The following PCDH7 variants were observed in gnomAD, a reference collection of about 807,000 sequenced individuals.
PCDH7 encodes protocadherin 7, also known as protocadherin-7.
In PCDH7, 17 loss-of-function variants were observed where a neutral mutation model predicts 58.9. That is an observed-to-expected ratio of 0.29 (90% CI 0.20 to 0.43). PCDH7 has a LOEUF of 0.43. PCDH7 is among the 20% of genes least tolerant of loss of function. The probability of loss-of-function intolerance (pLI) is 1.00; values close to 1 mark genes in which losing one functional copy is unlikely to be tolerated. For missense variants in PCDH7, 1,274 were observed against 1,441.0 expected (o/e 0.88, Z 1.88); for synonymous variants, 664 against 616.4 (o/e 1.08, Z -1.14).
chr4:30,727,945 A>G (rs1340141200), intron 1 of PCDH7, among the ~76,000 whole-genome samples: 1 of 151,828 alleles, frequency 6.6e-6, no homozygotes, highest in Non-Finnish European at 1.5e-5. Context: ...TAAAAATTTT[A>G]TTGTATTTAG....
intron 1 of PCDH7, among the ~76,000 whole-genome samples, chr4:30,798,463 T>A (rs1725080892): frequency 6.6e-6 from 1 of 152,188 alleles, no homozygotes; most frequent in South Asian, 2.1e-4. Flanking sequence ...AGCACCAATA[T>A]GATGTTTGGT....
intron 2 of PCDH7, among the ~76,000 whole-genome samples, chr4:30,933,294 G>T (rs1744913183): frequency 6.6e-6 from 1 of 152,074 alleles, no homozygotes; most frequent in Admixed American, 6.6e-5. Context: ...CAAAGTGCTG[G>T]GAGTACAGGT....
intron 3 of PCDH7, among the ~76,000 whole-genome samples, chr4:31,030,969 C>T (rs1394530358): frequency 1.3e-5 from 2 of 152,066 alleles, no homozygotes; most frequent in Non-Finnish European, 2.9e-5. Flanking sequence ...GATACTGAGG[C>T]AGAAAATGCA....
chr4:31,009,253 T>G (rs1345954710), intron 3 of PCDH7, among the ~76,000 whole-genome samples: 1 of 152,078 alleles, frequency 6.6e-6, no homozygotes, highest in African/African-American at 2.4e-5. Context: ...GGACAGTATT[T>G]CTTTTAGGTT....
chr4:30,962,801 A>T (rs868063780), intron 3 of PCDH7, among the ~76,000 whole-genome samples: 2 of 151,402 alleles, frequency 1.3e-5, no homozygotes, highest in African/African-American at 4.8e-5. Context: ...AAAAAAAAAA[A>T]AAAACAGTGG....
chr4:31,037,793 T>TGG (rs1755541445), intron 3 of PCDH7, among the ~76,000 whole-genome samples: 1 of 152,194 alleles, frequency 6.6e-6, no homozygotes, highest in Non-Finnish European at 1.5e-5. Context: ...GGCCAGCATT[T>TGG]GTGGTGTGGA....
intron 1 of PCDH7, among the ~76,000 whole-genome samples, chr4:30,879,941 C>T (rs1002753482): frequency 6.6e-6 from 1 of 152,022 alleles, no homozygotes; most frequent in African/African-American, 2.4e-5. Context: ...TACCCTGATA[C>T]ATGTTTCTAA....
At chr4:31,034,094 AAAACAAAC>A (rs10660538) in intron 3 of PCDH7, among the ~76,000 whole-genome samples, 1 of 151,358 alleles carries the variant, frequency 6.6e-6, no homozygotes, top group Non-Finnish European at 1.5e-5. Flanking sequence ...ACTCTGTCTC[AAAACAAAC>A]AAACAAACAA....
intron 1 of PCDH7, among the ~76,000 whole-genome samples, chr4:30,909,043 CATA>C (rs1210033723): frequency 6.6e-6 from 1 of 152,074 alleles, no homozygotes; most frequent in Non-Finnish European, 1.5e-5. Context: ...AATCAATAAA[CATA>C]GTCCATCAGA....
At chr4:30,730,833 A>G in exon 2 of PCDH7, 1 of 1,545,068 alleles carries the variant, frequency 6.5e-7, no homozygotes, top group African/African-American at 1.4e-5. Flanking sequence ...TACTGTGATG[A>G]CCTTTCTACT....
At chr4:31,141,207 T>A (rs1005367644) in intron 3 of PCDH7, among the ~76,000 whole-genome samples, 6 of 152,240 alleles carry the variant, frequency 3.9e-5, no homozygotes, top group Admixed American at 2.6e-4. Flanking sequence ...TTTAAATAAC[T>A]TCCTCTTCTA....
intron 1 of PCDH7, among the ~76,000 whole-genome samples, chr4:30,752,632 CT>C (rs35672332): frequency 1.5e-3 from 216 of 140,176 alleles, no homozygotes; most frequent in Non-Finnish European, 1.7e-3. Flanking sequence ...TGGACTCTTA[CT>C]TTTTTTTTTT....
chr4:30,760,267 G>T (rs1347002014), intron 1 of PCDH7, among the ~76,000 whole-genome samples: 1 of 152,174 alleles, frequency 6.6e-6, no homozygotes, highest in African/African-American at 2.4e-5. Flanking sequence ...AGGCAGTCTT[G>T]TGCTGCTCAA....
At chr4:31,054,112 C>T (rs1208318155) in intron 3 of PCDH7, among the ~76,000 whole-genome samples, 2 of 152,050 alleles carry the variant, frequency 1.3e-5, no homozygotes, top group Non-Finnish European at 2.9e-5. Context: ...ACTACAGGCA[C>T]ATACCACCAT....
At chr4:31,088,770 C>T (rs569156042) in intron 3 of PCDH7, among the ~76,000 whole-genome samples, 116 of 151,862 alleles carry the variant, frequency 7.6e-4, no homozygotes, top group African/African-American at 2.5e-3. Context: ...CTATTTCTGC[C>T]GTTTTTTAAT....
chr4:30,780,188 T>C (rs1722598119), intron 1 of PCDH7, among the ~76,000 whole-genome samples: 1 of 152,084 alleles, frequency 6.6e-6, no homozygotes, highest in South Asian at 2.1e-4. Flanking sequence ...CCTTCCCTGA[T>C]TCAGAAAGGG....
chr4:30,756,384 T>A (rs1380546191), intron 1 of PCDH7, among the ~76,000 whole-genome samples: 20 of 151,994 alleles, frequency 1.3e-4, no homozygotes, highest in Admixed American at 1.3e-3. Flanking sequence ...AAACCAACTA[T>A]GTCCAAATGA....
At chr4:31,104,568 A>G (rs955598712) in intron 3 of PCDH7, among the ~76,000 whole-genome samples, 2 of 152,204 alleles carry the variant, frequency 1.3e-5, no homozygotes, top group African/African-American at 4.8e-5. Context: ...ATAAAAATAC[A>G]TTACCATGCA....
At chr4:30,796,099 A>G (rs187448304) in intron 1 of PCDH7, among the ~76,000 whole-genome samples, 345 of 152,172 alleles carry the variant, frequency 2.3e-3, no homozygotes, top group Non-Finnish European at 4.1e-3. Context: ...TCCCTTTAAA[A>G]CCTTGACATT....
Sources: gnomAD v4.1 joint callset for allele counts (sites outside exome capture counted in the v4.1 genomes callset) on GRCh38, gnomAD v4.1.1 for gene constraint, MANE v1.5 for transcripts, NCBI Gene and HGNC (gene_info 2026-07-23, HGNC 2026-07-21) for gene names.